The following DLG2 variants were observed in gnomAD, a reference collection of about 807,000 sequenced individuals.
DLG2 encodes the protein disks large homolog 2.
In DLG2, 45 loss-of-function variants were observed where a neutral mutation model predicts 132.5. The ratio of observed to expected loss-of-function variants is 0.34; its 90% CI spans 0.27 to 0.44. DLG2 has a LOEUF of 0.44. Ranked by LOEUF, DLG2 falls within the 20% of genes least tolerant of loss-of-function variation. The pLI is 1.00. For synonymous variants in DLG2, 424 were observed against 419.6 expected, an observed-to-expected ratio of 1.01 and a Z score of -0.13; for missense variants, 1,045 against 1,196.9, an observed-to-expected ratio of 0.87 and a Z score of 1.87.
At chr11:84,353,519 C>CG (rs1192764055) in intron 7 of DLG2, among the ~76,000 whole-genome samples, 1 of 152,170 alleles carries the variant, frequency 6.6e-6, no homozygotes, top group East Asian at 1.9e-4. Flanking sequence ...CACACCTCCA[C>CG]GTCTCTAATG....
chr11:84,780,971 G>T (rs2071642637), intron 6 of DLG2, among the ~76,000 whole-genome samples: 1 of 132,272 alleles, frequency 7.6e-6, no homozygotes, highest in South Asian at 2.8e-4. Flanking sequence ...GCTATGAATT[G>T]TGAAGTGCTT....
At chr11:84,092,882 A>G (rs535740494) in intron 10 of DLG2, among the ~76,000 whole-genome samples, 1 of 152,080 alleles carries the variant, frequency 6.6e-6, no homozygotes, top group Admixed American at 6.5e-5. Context: ...CTAAAAATAC[A>G]AAAATTAGCT....
chr11:84,931,040 T>C (rs1294612899), intron 6 of DLG2, among the ~76,000 whole-genome samples: 1 of 152,086 alleles, frequency 6.6e-6, no homozygotes, highest in Non-Finnish European at 1.5e-5. Context: ...CACTTCTCTA[T>C]CTTCACCCTC....
At chr11:84,699,497 G>C (rs1232381764) in intron 6 of DLG2, among the ~76,000 whole-genome samples, 1 of 151,484 alleles carries the variant, frequency 6.6e-6, no homozygotes, top group Non-Finnish European at 1.5e-5. Flanking sequence ...GCACTGAAGA[G>C]TGACTAATCC....
intron 6 of DLG2, among the ~76,000 whole-genome samples, chr11:84,564,138 T>A (rs1019626408): frequency 1.3e-5 from 2 of 152,204 alleles, no homozygotes; most frequent in African/African-American, 2.4e-5. Flanking sequence ...GTAAGCCTAT[T>A]GCAAGTGACC....
At chr11:84,712,324 G>A (rs2060538980) in intron 6 of DLG2, among the ~76,000 whole-genome samples, 1 of 151,924 alleles carries the variant, frequency 6.6e-6, no homozygotes, top group African/African-American at 2.4e-5. Context: ...AATAAAAACT[G>A]TAAAAGACCT....
intron 6 of DLG2, among the ~76,000 whole-genome samples, chr11:85,097,352 C>G (rs575025849): frequency 3.0e-4 from 46 of 152,292 alleles, no homozygotes; most frequent in African/African-American, 1.1e-3. Flanking sequence ...CTCAGACTAG[C>G]AGGCCTAACA....
intron 6 of DLG2, among the ~76,000 whole-genome samples, chr11:84,646,242 A>G (rs575268404): frequency 1.3e-5 from 2 of 152,332 alleles, no homozygotes; most frequent in African/African-American, 4.8e-5. Flanking sequence ...CCCATAAAAA[A>G]CAGGTTATTT....
chr11:84,258,480 T>C (rs2097508781), intron 7 of DLG2, among the ~76,000 whole-genome samples: 2 of 152,230 alleles, frequency 1.3e-5, no homozygotes, highest in East Asian at 3.9e-4. Flanking sequence ...ATAAGGTGCT[T>C]ATTATGTTTC....
At chr11:85,488,918 C>T (rs930187616) in intron 3 of DLG2, among the ~76,000 whole-genome samples, 1 of 151,960 alleles carries the variant, frequency 6.6e-6, no homozygotes, top group African/African-American at 2.4e-5. Flanking sequence ...AAGTATAAAA[C>T]TCATTGGTAA....
intron 8 of DLG2, among the ~76,000 whole-genome samples, chr11:84,250,397 A>G (rs996665): frequency 0.9 from 136,387 of 152,216 alleles, 61,201 homozygotes; most frequent in East Asian, 1. Context: ...GTACTGTTCT[A>G]AGTGCTTTCT....
At chr11:83,473,673 A>G (rs926168201) in intron 22 of DLG2, among the ~76,000 whole-genome samples, 1 of 151,994 alleles carries the variant, frequency 6.6e-6, no homozygotes, top group African/African-American at 2.4e-5. Flanking sequence ...CTTTCTGTCT[A>G]CTAGAAGAAA....
At position 84,090,195 on chromosome 11, in the gene DLG2, C is replaced by T. The variant is rs113048740; in HGVS notation, c.749+8728G>A. Among the ~76,000 whole-genome samples, 709 of 152,110 alleles carry T rather than the reference C, an allele frequency of 4.7e-3. 5 individuals carry two copies. Among genetic ancestry groups the T allele is most frequent in the African/African-American group, 0.016 (657 of 41,498 alleles). On this transcript the variant is annotated intron_variant, in intron 10 of 27. Coordinates refer to ENST00000376104, the MANE Select transcript of DLG2 (RefSeq NM_001142699.3). Reference sequence around the variant, plus strand: ...TTGGGAGGCCGAGGCAGGTAGATTGCCTGAGGTCAGGAGTTCAAGACCAGC... The same window carrying T: ...TTGGGAGGCCGAGGCAGGTAGATTGTCTGAGGTCAGGAGTTCAAGACCAGC...
chr11:85,612,752 C>A (rs1323056289), intron 2 of DLG2, among the ~76,000 whole-genome samples: 18 of 152,174 alleles, frequency 1.2e-4, no homozygotes, highest in Admixed American at 1.1e-3. Context: ...ACAACTAATA[C>A]CCCTACTTAT....
At chr11:84,802,460 T>C (rs1413711793) in intron 6 of DLG2, among the ~76,000 whole-genome samples, 2 of 152,132 alleles carry the variant, frequency 1.3e-5, no homozygotes, top group East Asian at 3.9e-4. Context: ...TACAGTCTGA[T>C]GAGAAGAGGA....
chr11:85,208,381 A>G (rs545122693), intron 4 of DLG2, among the ~76,000 whole-genome samples: 1 of 152,196 alleles, frequency 6.6e-6, no homozygotes, highest in East Asian at 1.9e-4. Context: ...TCTCTTCCAC[A>G]TTTTATATTT....
At position 84,306,248 on chromosome 11, in the gene DLG2, C is replaced by T. The variant is rs190112040; in HGVS notation, c.520-54957G>A. ...CATGCATTGAAACATCACATAGGGC[C>T]CCATAAATATATAAATTATTATTTG... On this transcript the variant is annotated intron_variant, in intron 7 of 27. Coordinates refer to ENST00000376104, the MANE Select transcript of DLG2 (RefSeq NM_001142699.3). Among the ~76,000 whole-genome samples, 11 of 151,310 alleles carry T rather than the reference C, an allele frequency of 7.3e-5. No homozygotes were observed. The East Asian group carries it at 2.1e-3, about 29-fold the overall frequency.
At chr11:84,385,382 T>C (rs1167771658) in intron 7 of DLG2, among the ~76,000 whole-genome samples, 1 of 152,162 alleles carries the variant, frequency 6.6e-6, no homozygotes, top group East Asian at 1.9e-4. Flanking sequence ...CTTTAGAGAT[T>C]TCTAATATGT....
chr11:85,226,248 G>GTGGATGGATGGATGGA (rs531246354), intron 4 of DLG2, among the ~76,000 whole-genome samples: 2 of 150,052 alleles, frequency 1.3e-5, no homozygotes, highest in African/African-American at 4.9e-5. Flanking sequence ...AGACATGTGG[G>GTGGATGGATGGATGGA]TGGATGGATG....
Sources: gnomAD v4.1 joint callset for allele counts (sites outside exome capture counted in the v4.1 genomes callset) on GRCh38, gnomAD v4.1.1 for gene constraint, MANE v1.5 for transcripts, NCBI Gene and HGNC (gene_info 2026-07-23, HGNC 2026-07-21) for gene names.